The following ATG7 variants were observed in gnomAD, a reference collection of about 807,000 sequenced individuals.
ATG7 encodes autophagy related 7.
Under a neutral mutation model 82.4 loss-of-function variants are expected in ATG7, and 70 were observed. The ratio of observed to expected loss-of-function variants is 0.85; its 90% CI spans 0.70 to 1.04. ATG7 has a LOEUF of 1.04. Ranked by LOEUF, ATG7 falls within the 50% of genes least tolerant of loss-of-function variation. ATG7 has a pLI of 0.00. For synonymous variants in ATG7, 287 were observed against 313.0 expected (o/e 0.92, Z 0.88); for missense variants, 792 against 864.3 (o/e 0.92, Z 1.05).
At chr3:11,330,565 A>G (rs1308001288) in intron 9 of ATG7, among the ~76,000 whole-genome samples, 1 of 151,964 alleles carries the variant, frequency 6.6e-6, no homozygotes, top group Non-Finnish European at 1.5e-5. Flanking sequence ...CTTCTCTTGT[A>G]TTTTCCCTGC....
At chr3:11,322,113 A>G (rs1950294817) in intron 9 of ATG7, among the ~76,000 whole-genome samples, 1 of 152,190 alleles carries the variant, frequency 6.6e-6, no homozygotes, top group South Asian at 2.1e-4. Context: ...TTCTTGGGTG[A>G]TGTATGGTTG....
chr3:11,499,140 A>G (rs1266133565), intron 20 of ATG7, among the ~76,000 whole-genome samples: 3 of 152,240 alleles, frequency 2.0e-5, no homozygotes, highest in African/African-American at 7.2e-5. Context: ...AATTGAAAGA[A>G]AATATAATCA....
chr3:11,283,124 G>A (rs1311706138), intron 3 of ATG7, among the ~76,000 whole-genome samples: 4 of 152,182 alleles, frequency 2.6e-5, no homozygotes, highest in Admixed American at 6.5e-5. Flanking sequence ...CTGAGTGCTC[G>A]CTGCCCTTTA....
chr3:11,397,688 C>G (rs939442242), intron 19 of ATG7, among the ~76,000 whole-genome samples: 5 of 151,752 alleles, frequency 3.3e-5, no homozygotes, highest in Admixed American at 1.3e-4. Context: ...AACTCCTGAC[C>G]TCAAGTGATC....
At chr3:11,539,632 T>C (rs755629094) in intron 20 of ATG7, among the ~76,000 whole-genome samples, 6 of 152,376 alleles carry the variant, frequency 3.9e-5, no homozygotes, top group East Asian at 3.9e-4. Context: ...ATTTCTCTTA[T>C]GACATTTTTG....
chr3:11,422,947 G>A (rs2082066044), intron 19 of ATG7, among the ~76,000 whole-genome samples: 1 of 151,888 alleles, frequency 6.6e-6, no homozygotes, highest in South Asian at 2.1e-4. Flanking sequence ...TAGAGACGGG[G>A]TTTCACCATG....
At chr3:11,297,351 C>T (rs1198572410) in intron 3 of ATG7, among the ~76,000 whole-genome samples, 1 of 152,106 alleles carries the variant, frequency 6.6e-6, no homozygotes, top group Non-Finnish European at 1.5e-5. Context: ...GAGCGTGACC[C>T]TGTAAATGTA....
At chr3:11,411,619 CA>C (rs71055868) in intron 19 of ATG7, among the ~76,000 whole-genome samples, 3,498 of 71,036 alleles carry the variant, frequency 0.049, 17 homozygotes, top group African/African-American at 0.064. Context: ...ACTCTGTCTC[CA>C]AAAAAAAAAA....
At chr3:11,380,150 G>A in intron 19 of ATG7, 98 bp downstream of exon 19, 6 of 1,124,682 alleles carry the variant, frequency 5.3e-6, no homozygotes, top group Non-Finnish European at 6.7e-6. Flanking sequence ...CCAACTAAGG[G>A]CTTTTTGTGG....
At chr3:11,373,345 G>C (rs929201078) in intron 18 of ATG7, among the ~76,000 whole-genome samples, 1 of 152,132 alleles carries the variant, frequency 6.6e-6, no homozygotes, top group Non-Finnish European at 1.5e-5. Context: ...AGAATTAGAG[G>C]CTTGCTAAGT....
chr3:11,387,176 C>T (rs1171297443), intron 19 of ATG7, among the ~76,000 whole-genome samples: 1 of 152,188 alleles, frequency 6.6e-6, no homozygotes, highest in Non-Finnish European at 1.5e-5. Context: ...TCACTGTCCA[C>T]ACACAGGTAT....
chr3:11,438,007 G>A lies in ATG7; in HGVS notation c.2079+11081G>A, dbSNP rs2083518654. Among the ~76,000 whole-genome samples, 5 of 152,270 alleles carry A rather than the reference G, an allele frequency of 3.3e-5. No individual in the cohort carries two copies. In the South Asian group the frequency reaches 1.0e-3, roughly 32 times the overall value. ...TCAAGCTGGTAATATTATACTTAGA[G>A]TTTTTTCCAATAATACTTAAGCACT... On this transcript the variant is annotated intron_variant, in intron 20 of 20. Coordinates refer to ENST00000693202, the MANE Select transcript of ATG7 (RefSeq NM_001349232.2).
intron 20 of ATG7, among the ~76,000 whole-genome samples, chr3:11,548,476 C>CA (rs2071476618): frequency 6.6e-6 from 1 of 152,114 alleles, no homozygotes; most frequent in African/African-American, 2.4e-5. Flanking sequence ...ATATATGATT[C>CA]AAAATTAAAA....
chr3:11,304,569 C>T (rs1197976044), intron 5 of ATG7: 2 of 152,186 alleles, frequency 1.3e-5, no homozygotes, highest in Non-Finnish European at 2.9e-5. Flanking sequence ...AGCACAGGTG[C>T]TCTTCCAGAG....
chr3:11,475,354 G>A (rs1468113883), intron 20 of ATG7, among the ~76,000 whole-genome samples: 2 of 152,264 alleles, frequency 1.3e-5, no homozygotes, highest in Non-Finnish European at 2.9e-5. Flanking sequence ...AGGAATCTGA[G>A]GTGGACAGAG....
chr3:11,288,639 C>T (rs935430733), intron 3 of ATG7: 2 of 152,206 alleles, frequency 1.3e-5, no homozygotes, highest in African/African-American at 4.8e-5. Context: ...CTCTCCTCAC[C>T]TCCTAGCAGC....
At chr3:11,562,720 G>A in the ATG7 span, among the ~76,000 whole-genome samples, 2 of 152,254 alleles carry the variant, frequency 1.3e-5, no homozygotes, top group Admixed American at 6.5e-5. Context: ...CAGCAGCCAC[G>A]GCAAGGAGGG....
intron 20 of ATG7, among the ~76,000 whole-genome samples, chr3:11,443,130 G>T (rs1291327366): frequency 6.6e-6 from 1 of 152,064 alleles, no homozygotes; most frequent in African/African-American, 2.4e-5. Flanking sequence ...TCTTCTCCAG[G>T]TGTCGCCATG....
chr3:11,344,005 C>A (rs1007912071), intron 13 of ATG7, among the ~76,000 whole-genome samples: 44 of 152,074 alleles, frequency 2.9e-4, no homozygotes, highest in African/African-American at 9.9e-4. Flanking sequence ...TTTATATAGG[C>A]CTTCCATGTA....
Sources: gnomAD v4.1 joint callset for allele counts (sites outside exome capture counted in the v4.1 genomes callset) on GRCh38, gnomAD v4.1.1 for gene constraint, MANE v1.5 for transcripts, NCBI Gene and HGNC (gene_info 2026-07-23, HGNC 2026-07-21) for gene names.